CACHD1: variants seen among roughly 807,000 people sequenced by gnomAD.
The protein encoded by CACHD1 is cache domain containing 1, also known as VWFA and cache domain-containing protein 1.
Under a neutral mutation model 138.7 loss-of-function variants are expected in CACHD1, and 71 were observed. The ratio of observed to expected loss-of-function variants is 0.51; its 90% CI spans 0.42 to 0.62. CACHD1 has a LOEUF of 0.62. CACHD1 is among the 20% of genes least tolerant of loss of function. The pLI, the probability that CACHD1 is intolerant of heterozygous loss-of-function variation, is 0.00. For synonymous variants in CACHD1, 578 were observed against 591.5 expected (o/e 0.98, Z 0.33); for missense variants, 1,389 against 1,625.3 (o/e 0.85, Z 2.50).
At chr1:64,603,099 C>CTTTTTTTTTTTTTTTTTTTTTTTTT (rs34372401) in intron 4 of CACHD1, among the ~76,000 whole-genome samples, 187 bp downstream of exon 4, 1 of 64,896 alleles carries the variant, frequency 1.5e-5, no homozygotes, top group Non-Finnish European at 3.0e-5. Flanking sequence ...AAGCTTACAT[C>CTTTTTTTTTTTTTTTTTTTTTTTTT]TTTTTTTTTT....
chr1:64,509,961 A>G (rs1646406813), intron 1 of CACHD1, among the ~76,000 whole-genome samples: 1 of 152,252 alleles, frequency 6.6e-6, no homozygotes, highest in Non-Finnish European at 1.5e-5. Context: ...GGCAACCCAG[A>G]TAGAACATGC....
chr1:64,582,759 A>C (rs1647022655), intron 3 of CACHD1, among the ~76,000 whole-genome samples: 1 of 152,180 alleles, frequency 6.6e-6, no homozygotes, highest in African/African-American at 2.4e-5. Context: ...ATATTGAAAC[A>C]GGTTTGTATC....
intron 1 of CACHD1, among the ~76,000 whole-genome samples, chr1:64,533,276 A>G (rs1646603771): frequency 6.6e-6 from 1 of 152,232 alleles, no homozygotes; most frequent in Admixed American, 6.5e-5. Flanking sequence ...GAATCACTTG[A>G]ACCCAGGCAG....
chr1:64,596,530 G>C (rs1647153397), intron 3 of CACHD1, among the ~76,000 whole-genome samples: 1 of 152,106 alleles, frequency 6.6e-6, no homozygotes, highest in Non-Finnish European at 1.5e-5. Context: ...ACTGGTGAAG[G>C]GTTTTTGCCG....
intron 25 of CACHD1, 35 bp downstream of exon 25, chr1:64,681,370 A>G: frequency 6.7e-7 from 1 of 1,491,562 alleles, no homozygotes; most frequent in Non-Finnish European, 9.4e-7. Flanking sequence ...AGAATGTGTC[A>G]GCAGGAGGCT....
At chr1:64,512,006 G>T (rs1332107067) in intron 1 of CACHD1, among the ~76,000 whole-genome samples, 1 of 152,156 alleles carries the variant, frequency 6.6e-6, no homozygotes, top group African/African-American at 2.4e-5. Flanking sequence ...TAAAGTTACT[G>T]ATTGTTATTA....
chr1:64,585,132 A>C (rs1288466884), intron 3 of CACHD1, among the ~76,000 whole-genome samples: 2 of 152,144 alleles, frequency 1.3e-5, no homozygotes, highest in Non-Finnish European at 2.9e-5. Flanking sequence ...TATCACATCC[A>C]TATATATGAG....
Position 64,512,989 on chromosome 1 carries a change from C to T in CACHD1, c.199-37605C>T, listed in dbSNP as rs1310865192. ...AAATTTCCATCCTTGTTCTGTTTTT[C>T]CATTCTCCATTTCTATTGTCACATT... On this transcript the variant is annotated intron_variant, in intron 1 of 26. Coordinates refer to ENST00000651257, the MANE Select transcript of CACHD1 (RefSeq NM_020925.4). Among the ~76,000 whole-genome samples, 3 of 152,162 alleles carry T rather than the reference C, an allele frequency of 2.0e-5. No individual in the cohort carries two copies. The East Asian group carries it at 5.8e-4, about 29-fold the overall frequency.
intron 10 of CACHD1, among the ~76,000 whole-genome samples, chr1:64,653,386 T>TAAAAAAAAAAAAAAAAAAAAAAAAAAA (rs60661882): frequency 9.2e-6 from 1 of 108,476 alleles, no homozygotes; most frequent in African/African-American, 3.1e-5. Context: ...TAAAAGAAGT[T>TAAAAAAAAAAAAAAAAAAAAAAAAAAA]AAAAAAAAAA....
intron 2 of CACHD1, among the ~76,000 whole-genome samples, chr1:64,567,685 A>G (rs1646893316): frequency 6.6e-6 from 1 of 152,178 alleles, no homozygotes; most frequent in Admixed American, 6.5e-5. Flanking sequence ...TTCTAAAAAC[A>G]TATGCTGTGT....
At chr1:64,475,838 A>G (rs1646171915) in intron 1 of CACHD1, among the ~76,000 whole-genome samples, 1 of 152,214 alleles carries the variant, frequency 6.6e-6, no homozygotes, top group Non-Finnish European at 1.5e-5. Context: ...TGGCAATCAC[A>G]GGTGACTAAA....
At chr1:64,644,982 A>G (rs748444655) in intron 8 of CACHD1, among the ~76,000 whole-genome samples, 9 of 152,190 alleles carry the variant, frequency 5.9e-5, no homozygotes, top group Non-Finnish European at 1.3e-4. Flanking sequence ...CTGTATTCCT[A>G]GCTATTCAGG....
chr1:64,510,194 AG>A (rs1419049773), intron 1 of CACHD1, among the ~76,000 whole-genome samples: 2 of 152,178 alleles, frequency 1.3e-5, no homozygotes, highest in Non-Finnish European at 2.9e-5. Context: ...GTCACAAAAA[AG>A]GGATGCGGAG....
rs375337698 is a variant in CACHD1, at chr1:64,688,702, C to T, written c.3587-2621C>T. Among the ~76,000 whole-genome samples the T allele has an allele frequency of 1.1e-4, 16 of 152,184 alleles. 1 individual carries two copies. The highest frequency in any genetic ancestry group is 2.0e-4 in the Admixed American group (3 of 15,280). ...CCCACTGTCCACTACTAGATCATAG[C>T]TCATAGCTTCAGCCAGCCTTCTTGA... is the stretch of plus-strand genomic sequence containing the variant. On this transcript the variant is annotated intron_variant, in intron 26 of 26. Coordinates refer to ENST00000651257, the MANE Select transcript of CACHD1 (RefSeq NM_020925.4).
chr1:64,561,768 C>A (rs7550855), intron 2 of CACHD1, among the ~76,000 whole-genome samples: 2 of 150,352 alleles, frequency 1.3e-5, no homozygotes, highest in South Asian at 2.1e-4. Context: ...TGAGGTGGGA[C>A]GATTGGTTGA....
intron 10 of CACHD1, among the ~76,000 whole-genome samples, chr1:64,653,426 G>C (rs1384850824): frequency 2.7e-5 from 4 of 149,168 alleles, no homozygotes; most frequent in African/African-American, 9.9e-5. Context: ...GTCATCCTTT[G>C]GATCTTTTTT....
chr1:64,534,033 G>A (rs1320476739), intron 1 of CACHD1, among the ~76,000 whole-genome samples: 3 of 148,812 alleles, frequency 2.0e-5, no homozygotes, highest in Non-Finnish European at 3.0e-5. Flanking sequence ...GATTACAGTC[G>A]TGAGCCCAGC....
At chr1:64,544,429 CA>C (rs781130014) in intron 1 of CACHD1, among the ~76,000 whole-genome samples, 1 of 152,070 alleles carries the variant, frequency 6.6e-6, no homozygotes, top group Non-Finnish European at 1.5e-5. Context: ...GTCCTTGTTC[CA>C]GCAAAGTGGA....
At chr1:64,659,552 AT>A (rs1041342565) in intron 13 of CACHD1, among the ~76,000 whole-genome samples, 1 of 152,174 alleles carries the variant, frequency 6.6e-6, no homozygotes. Context: ...GATGTTTTTT[AT>A]TTTTCACCTG....
Sources: gnomAD v4.1 joint callset for allele counts (sites outside exome capture counted in the v4.1 genomes callset) on GRCh38, gnomAD v4.1.1 for gene constraint, MANE v1.5 for transcripts, NCBI Gene and HGNC (gene_info 2026-07-23, HGNC 2026-07-21) for gene names.